Variants in KIAA1328 observed in about 807,000 individuals in gnomAD.
KIAA1328 encodes the protein protein hinderin.
A neutral mutation model predicts 68.1 loss-of-function variants in KIAA1328; 52 were observed. The ratio of observed to expected loss-of-function variants is 0.76; its 90% CI spans 0.61 to 0.96. The LOEUF is 0.96. KIAA1328 is among the 40% of genes least tolerant of loss of function. KIAA1328 has a pLI of 0.00. For synonymous variants in KIAA1328, 232 were observed against 239.4 expected, an observed-to-expected ratio of 0.97 and a Z score of 0.28; for missense variants, 641 against 677.6, an observed-to-expected ratio of 0.95 and a Z score of 0.60.
intron 7 of KIAA1328, among the ~76,000 whole-genome samples, chr18:37,094,037 G>A (rs2057335943): frequency 6.6e-6 from 1 of 152,242 alleles, no homozygotes; most frequent in African/African-American, 2.4e-5. Context: ...AGACCAGGGT[G>A]TGGGGAGGAT....
intron 4 of KIAA1328, among the ~76,000 whole-genome samples, chr18:36,868,967 T>A (rs759563895): frequency 6.6e-6 from 1 of 151,996 alleles, no homozygotes; most frequent in African/African-American, 2.4e-5. Flanking sequence ...AACTTTTTTG[T>A]TGAAATTAAA....
chr18:37,180,373 A>C (rs2059676940), intron 9 of KIAA1328, among the ~76,000 whole-genome samples: 1 of 152,190 alleles, frequency 6.6e-6, no homozygotes, highest in African/African-American at 2.4e-5. Flanking sequence ...TTCTAATCGC[A>C]ACTTTCAAAG....
intron 7 of KIAA1328, among the ~76,000 whole-genome samples, chr18:37,098,611 C>A (rs2057492648): frequency 6.6e-6 from 1 of 152,188 alleles, no homozygotes; most frequent in Non-Finnish European, 1.5e-5. Context: ...GTAGGATTCC[C>A]TATTTTTCTA....
chr18:36,858,082 A>T (rs1355622218), intron 4 of KIAA1328, among the ~76,000 whole-genome samples: 1 of 152,180 alleles, frequency 6.6e-6, no homozygotes, highest in African/African-American at 2.4e-5. Context: ...TGGTATACAT[A>T]TTACCAAAAA....
chr18:36,928,891 T>G (rs774581776), intron 5 of KIAA1328, among the ~76,000 whole-genome samples: 3 of 152,360 alleles, frequency 2.0e-5, no homozygotes, highest in South Asian at 2.1e-4. Flanking sequence ...TGTGATAGTC[T>G]GTTATTCTTA....
At chr18:36,960,326 A>G (rs1598828094) in intron 6 of KIAA1328, among the ~76,000 whole-genome samples, 1 of 152,226 alleles carries the variant, frequency 6.6e-6, no homozygotes, top group South Asian at 2.1e-4. Flanking sequence ...GATGGAGCCC[A>G]CCGCAGCTCA....
chr18:37,037,255 G>T (rs1444779508), intron 6 of KIAA1328, among the ~76,000 whole-genome samples: 1 of 152,108 alleles, frequency 6.6e-6, no homozygotes, highest in African/African-American at 2.4e-5. Flanking sequence ...TTGGAGGGTG[G>T]CTCTCTCACA....
chr18:36,897,658 CCT>C (rs1568136926), intron 5 of KIAA1328, among the ~76,000 whole-genome samples: 3 of 151,998 alleles, frequency 2.0e-5, no homozygotes, highest in South Asian at 2.1e-4. Context: ...CAAGTAGCCA[CCT>C]CTGTCTTACT....
intron 6 of KIAA1328, among the ~76,000 whole-genome samples, chr18:37,011,671 T>C (rs1348714133): frequency 6.6e-6 from 1 of 152,174 alleles, no homozygotes; most frequent in Non-Finnish European, 1.5e-5. Flanking sequence ...GCACGCACAG[T>C]ATACATACAT....
At chr18:36,833,960 AGTTTTT>A (rs1203763774) in intron 1 of KIAA1328, among the ~76,000 whole-genome samples, 1 of 152,220 alleles carries the variant, frequency 6.6e-6, no homozygotes, top group Non-Finnish European at 1.5e-5. Flanking sequence ...GGAGCACTTA[AGTTTTT>A]GTTTACAAAA....
intron 7 of KIAA1328, among the ~76,000 whole-genome samples, chr18:37,125,154 G>T (rs1468246429): frequency 6.6e-6 from 1 of 151,950 alleles, no homozygotes; most frequent in Admixed American, 6.6e-5. Flanking sequence ...ATGGTGAAAT[G>T]CTGTTTCTAC....
intron 7 of KIAA1328, among the ~76,000 whole-genome samples, chr18:37,108,127 A>G (rs2057825884): frequency 6.6e-6 from 1 of 152,214 alleles, no homozygotes; most frequent in African/African-American, 2.4e-5. Flanking sequence ...GAACCCAGGT[A>G]CCTATCAGTG....
chr18:37,189,675 C>G (rs2059868194), intron 9 of KIAA1328, among the ~76,000 whole-genome samples: 1 of 152,162 alleles, frequency 6.6e-6, no homozygotes, highest in African/African-American at 2.4e-5. Flanking sequence ...GGGCACCCAG[C>G]ATTCACCTCA....
At chr18:37,105,322 G>C (rs187078983) in intron 7 of KIAA1328, among the ~76,000 whole-genome samples, 1 of 152,012 alleles carries the variant, frequency 6.6e-6, no homozygotes, top group African/African-American at 2.4e-5. Context: ...GAGCAACACA[G>C]GAAGACCCTA....
At chr18:37,075,397 A>T (rs1351892183) in intron 7 of KIAA1328, 2 of 152,198 alleles carry the variant, frequency 1.3e-5, no homozygotes, top group African/African-American at 4.8e-5. Context: ...TGTAAAGACC[A>T]TCAAGGCTAG....
chr18:36,849,625 T>C (rs956354654), intron 4 of KIAA1328, among the ~76,000 whole-genome samples: 27 of 152,100 alleles, frequency 1.8e-4, no homozygotes, highest in Non-Finnish European at 4.4e-5. Flanking sequence ...ATTCATACTT[T>C]GATGGACATT....
intron 6 of KIAA1328, among the ~76,000 whole-genome samples, chr18:37,042,207 T>G (rs2055281859): frequency 6.6e-6 from 1 of 152,168 alleles, no homozygotes; most frequent in Non-Finnish European, 1.5e-5. Flanking sequence ...CATATATTTA[T>G]GTTATAATCC....
chr18:37,142,976 G>A (rs1040230153), intron 7 of KIAA1328, among the ~76,000 whole-genome samples: 15 of 149,038 alleles, frequency 1.0e-4, no homozygotes, highest in African/African-American at 3.7e-4. Flanking sequence ...GTTTTTTAAG[G>A]CAGAGTCTTG....
chr18:37,150,798 C>G (rs2059012194), intron 7 of KIAA1328, among the ~76,000 whole-genome samples: 1 of 151,978 alleles, frequency 6.6e-6, no homozygotes, highest in Non-Finnish European at 1.5e-5. Flanking sequence ...ATAACTCATC[C>G]AGTGCTTATT....
Sources: gnomAD v4.1 joint callset for allele counts (sites outside exome capture counted in the v4.1 genomes callset) on GRCh38, gnomAD v4.1.1 for gene constraint, MANE v1.5 for transcripts, NCBI Gene and HGNC (gene_info 2026-07-23, HGNC 2026-07-21) for gene names.